Variants in NPIPB2 observed in about 807,000 individuals in gnomAD.
NPIPB2 encodes the protein nuclear pore complex interacting protein family member B2, also known as nuclear pore complex-interacting protein family member B2.
Under a neutral mutation model 30.8 loss-of-function variants are expected in NPIPB2, and 27 were observed. That is an observed-to-expected ratio of 0.88 (90% confidence interval 0.65 to 1.21). The LOEUF (loss-of-function observed/expected upper bound fraction) is 1.21, where lower values mean the gene tolerates loss of function less well. Ranked by LOEUF, NPIPB2 falls within the 50% of genes most tolerant of loss-of-function variation. The pLI is 0.00. For synonymous variants in NPIPB2, 147 were observed against 162.0 expected (o/e 0.91, Z 0.70); for missense variants, 440 against 446.2 (o/e 0.99, Z 0.13).
chr16:11,974,109 G>T (rs1481073964), intron 1 of NPIPB2, among the ~76,000 whole-genome samples: 1 of 152,146 alleles, frequency 6.6e-6, no homozygotes, highest in Non-Finnish European at 1.5e-5. Flanking sequence ...TGAGAGATTT[G>T]CTGTGTTATG....
intron 2 of NPIPB2, 36 bp from the exon 3 acceptor site, chr16:11,933,960 C>A (rs569895850): frequency 2.0e-6 from 3 of 1,488,338 alleles, no homozygotes; most frequent in Non-Finnish European, 1.8e-6. Context: ...CGGCTGGGCA[C>A]GGTGGTTCAT....
intron 1 of NPIPB2, among the ~76,000 whole-genome samples, chr16:11,963,587 G>A (rs1596505914): frequency 6.6e-6 from 1 of 152,210 alleles, no homozygotes; most frequent in East Asian, 1.9e-4. Context: ...CACAGGTGAA[G>A]CCTTTTTTGT....
intron 1 of NPIPB2, among the ~76,000 whole-genome samples, chr16:11,938,247 G>T (rs2054893662): frequency 6.6e-6 from 1 of 152,196 alleles, no homozygotes; most frequent in Admixed American, 6.5e-5. Context: ...TTGAACTCCT[G>T]ACAGGTGATC....
At chr16:11,933,583 A>C in exon 4 of NPIPB2, 4 of 1,590,340 alleles carry the variant, frequency 2.5e-6, no homozygotes, top group Non-Finnish European at 2.5e-6. Flanking sequence ...TGTCACCTTC[A>C]TCTTACGGAT....
chr16:11,959,016 C>A (rs1025054269), intron 1 of NPIPB2, among the ~76,000 whole-genome samples: 4 of 152,122 alleles, frequency 2.6e-5, no homozygotes, highest in African/African-American at 9.7e-5. Flanking sequence ...TTTAGTTTGC[C>A]CCTGTATGGC....
upstream of NPIPB2, among the ~76,000 whole-genome samples, chr16:11,946,385 CAAA>C (rs34318693): frequency 1.3e-4 from 9 of 70,088 alleles, no homozygotes; most frequent in Admixed American, 3.8e-4. Context: ...AACTCTATCT[CAAA>C]AAAAAAAAAA....
exon 5 of NPIPB2, chr16:11,930,457 T>C (rs2054776063): frequency 1.3e-6 from 2 of 1,563,422 alleles, no homozygotes; most frequent in Admixed American, 1.8e-5. Context: ...CACATGTAGG[T>C]GTGTATTTCT....
chr16:11,956,888 T>G (rs2055117044), intron 1 of NPIPB2, among the ~76,000 whole-genome samples: 1 of 152,224 alleles, frequency 6.6e-6, no homozygotes, highest in African/African-American at 2.4e-5. Context: ...GGTACCCTGC[T>G]GACCAGGCCC....
chr16:11,950,028 A>G (rs906859697), intron 1 of NPIPB2, among the ~76,000 whole-genome samples: 2 of 151,916 alleles, frequency 1.3e-5, no homozygotes, highest in Non-Finnish European at 2.9e-5. Context: ...TTTTTTAATT[A>G]TTATTTTTTA....
chr16:11,954,339 T>TCC (rs2055092271), intron 1 of NPIPB2, among the ~76,000 whole-genome samples: 2 of 151,680 alleles, frequency 1.3e-5, no homozygotes, highest in Admixed American at 1.3e-4. Context: ...AATTAGCCGG[T>TCC]CGTGGTTGCA....
chr16:11,949,264 A>T (rs150179718), intron 1 of NPIPB2, among the ~76,000 whole-genome samples: 1 of 152,324 alleles, frequency 6.6e-6, no homozygotes, highest in African/African-American at 2.4e-5. Flanking sequence ...ATTACTGTGC[A>T]CGTCGGTGAT....
chr16:11,970,682 C>A (rs1415716724), intron 1 of NPIPB2, among the ~76,000 whole-genome samples: 1 of 151,684 alleles, frequency 6.6e-6, no homozygotes, highest in Non-Finnish European at 1.5e-5. Context: ...ATTACAGGCA[C>A]CTGCCACCAC....
intron 1 of NPIPB2, chr16:11,968,784 A>G (rs1271428814): frequency 6.6e-6 from 1 of 152,128 alleles, no homozygotes; most frequent in Admixed American, 6.6e-5. Flanking sequence ...TGACATGACA[A>G]TCTTCTCACT....
At chr16:11,961,466 T>C (rs1293741637) in intron 1 of NPIPB2, among the ~76,000 whole-genome samples, 1 of 152,262 alleles carries the variant, frequency 6.6e-6, no homozygotes. Context: ...ATTTTAGCAT[T>C]TATTATGGAC....
intron 1 of NPIPB2, among the ~76,000 whole-genome samples, chr16:11,958,715 T>C (rs931096237): frequency 1.3e-5 from 2 of 152,142 alleles, no homozygotes; most frequent in African/African-American, 4.8e-5. Context: ...CACTCCTGCC[T>C]GGGTAACAGA....
chr16:11,971,978 C>T (rs569746444), intron 1 of NPIPB2, among the ~76,000 whole-genome samples: 23 of 151,770 alleles, frequency 1.5e-4, no homozygotes, highest in Middle Eastern at 3.4e-3. Flanking sequence ...AACCCCATCT[C>T]TACCAAAAAT....
chr16:11,941,093 T>C (rs2150918457), intron 1 of NPIPB2: 2 of 1,379,038 alleles, frequency 1.5e-6, no homozygotes, highest in Non-Finnish European at 1.9e-6. Flanking sequence ...ATTACAGGCC[T>C]GAGCTGTGTA....
At chr16:11,933,229 G>A (rs927500978) in intron 4 of NPIPB2, among the ~76,000 whole-genome samples, 6 of 151,126 alleles carry the variant, frequency 4.0e-5, no homozygotes, top group African/African-American at 1.5e-4. Context: ...TACAGCCTGG[G>A]CAACAAGAGC....
intron 1 of NPIPB2, among the ~76,000 whole-genome samples, chr16:11,969,811 T>C (rs11570173): frequency 0.12 from 17,649 of 152,148 alleles, 1,492 homozygotes; most frequent in African/African-American, 0.21. Flanking sequence ...AACCCTTATA[T>C]AGTCTTACTA....
Sources: allele counts gnomAD v4.1 joint callset (sites outside exome capture counted in the v4.1 genomes callset), GRCh38; gene constraint gnomAD v4.1.1; transcripts MANE v1.5; gene names NCBI Gene and HGNC (gene_info 2026-07-23, HGNC 2026-07-21).